Variants in CELF2 observed in about 807,000 individuals in gnomAD.
CELF2 encodes the protein CUG triplet repeat RNA-binding protein 2.
CELF2 carries 8 observed loss-of-function variants against 62.6 expected under a neutral mutation model. The observed-to-expected ratio is 0.13, with a 90% confidence interval of 0.07 to 0.23. The LOEUF is 0.23. Among genes scored for constraint, CELF2 ranks in the 10% least tolerant of loss-of-function variants. CELF2 has a pLI of 1.00. For synonymous variants in CELF2, 258 were observed against 250.0 expected, an observed-to-expected ratio of 1.03 and a Z score of -0.30; for missense variants, 333 against 671.0, an observed-to-expected ratio of 0.50 and a Z score of 5.56.
chr10:10,538,919 T>A, the CELF2 span, among the ~76,000 whole-genome samples: 1 of 152,210 alleles, frequency 6.6e-6, no homozygotes, highest in African/African-American at 2.4e-5. Flanking sequence ...CTTTGTTTAA[T>A]TTTCCCGCAA....
intron 2 of CELF2, among the ~76,000 whole-genome samples, chr10:11,194,007 A>G (rs536496854): frequency 2.9e-4 from 44 of 152,226 alleles, no homozygotes; most frequent in African/African-American, 1.0e-3. Context: ...TGAAACTCTC[A>G]TTTTGGTGCG....
At chr10:10,703,490 T>C in the CELF2 span, among the ~76,000 whole-genome samples, 1 of 152,212 alleles carries the variant, frequency 6.6e-6, no homozygotes, top group East Asian at 1.9e-4. Context: ...CTACGAAGGA[T>C]ACAGAATATG....
rs1554855649 is a variant in CELF2 at position 10,857,649 on chromosome 10, G to GTGTATATA, written c.53+58833_53+58834insGTATATAT. ...ATATGTGGTAAACTACATATATATA[G>GTGTATATA]TATATATATATATATATATATATAT... On this transcript the variant is annotated intron_variant, in intron 1 of 13. Coordinates refer to the CELF2 transcript ENST00000636488. 5.3e-5 allele frequency among the ~76,000 whole-genome samples: 5 copies of GTGTATATA among 94,258 alleles called. No homozygotes were observed. In the East Asian group the frequency reaches 1.4e-3, roughly 27 times the overall value. The allele number at this position is 94,258 out of a possible 152,430, so 61.8% of individuals were successfully genotyped here. A position where few individuals can be genotyped will look rare whatever the true frequency, so the allele number is the denominator to read the frequency against.
chr10:10,570,367 C>G, the CELF2 span, among the ~76,000 whole-genome samples: 1 of 152,134 alleles, frequency 6.6e-6, no homozygotes, highest in African/African-American at 2.4e-5. Context: ...AACCTCAGCT[C>G]AAGATGAACT....
the CELF2 span, among the ~76,000 whole-genome samples, chr10:10,528,322 G>A: frequency 1.3e-5 from 2 of 152,172 alleles, no homozygotes; most frequent in Non-Finnish European, 2.9e-5. Context: ...TGTGGGCTGA[G>A]AAAGGGGATC....
chr10:10,585,691 A>G, the CELF2 span, among the ~76,000 whole-genome samples: 1 of 152,202 alleles, frequency 6.6e-6, no homozygotes, highest in Admixed American at 6.5e-5. Flanking sequence ...GAGTCAATAA[A>G]GAGAAGTCTC....
At chr10:10,490,390 G>A in the CELF2 span, among the ~76,000 whole-genome samples, 1 of 152,090 alleles carries the variant, frequency 6.6e-6, no homozygotes, top group Admixed American at 6.6e-5. Flanking sequence ...CCTTTGTCCA[G>A]GAATGTCTTA....
In CELF2 at chr10:11,138,590, G is replaced by A. The variant is rs531574779; in HGVS notation, c.75-26896G>A. Among the ~76,000 whole-genome samples the A allele has an allele frequency of 2.7e-4, 41 of 152,130 alleles. 1 individual carries two copies. Among genetic ancestry groups the A allele is most frequent in the Admixed American group, 2.3e-3 (35 of 15,264 alleles). On this transcript the variant is annotated intron_variant, in intron 1 of 12. Transcript: ENST00000633077. ...GCAAACTCGCAAAGAATTTATCATC[G>A]AACAGTAAAAAGATGAGCCTGAAAA...
chr10:11,186,112 A>G (rs934316053), intron 2 of CELF2, among the ~76,000 whole-genome samples: 1 of 152,164 alleles, frequency 6.6e-6, no homozygotes, highest in South Asian at 2.1e-4. Context: ...TTATTGTCAT[A>G]AAACTGTGTA....
chr10:11,312,578 C>G (rs1228594936), intron 9 of CELF2, among the ~76,000 whole-genome samples: 1 of 152,046 alleles, frequency 6.6e-6, no homozygotes, highest in South Asian at 2.1e-4. Flanking sequence ...TTTTTATGAC[C>G]ATATATGAAA....
chr10:10,583,307 T>G, the CELF2 span, among the ~76,000 whole-genome samples: 1 of 152,198 alleles, frequency 6.6e-6, no homozygotes, highest in Non-Finnish European at 1.5e-5. Flanking sequence ...TATGTCTATG[T>G]GTCCTCAGGG....
chr10:11,126,527 T>C (rs1000698339), intron 1 of CELF2, among the ~76,000 whole-genome samples: 1 of 152,170 alleles, frequency 6.6e-6, no homozygotes, highest in African/African-American at 2.4e-5. Context: ...GATTATATTT[T>C]CAATAATTCC....
the CELF2 span, among the ~76,000 whole-genome samples, chr10:10,640,158 T>C: frequency 1.3e-5 from 2 of 152,236 alleles, no homozygotes; most frequent in African/African-American, 2.4e-5. Flanking sequence ...ATTATGTATA[T>C]ATCTGTCTCA....
chr10:10,731,237 G>A, the CELF2 span, among the ~76,000 whole-genome samples: 5 of 147,690 alleles, frequency 3.4e-5, no homozygotes, highest in African/African-American at 1.3e-4. Context: ...CAAAGATCCT[G>A]CAGAAAACAC....
chr10:11,234,735 A>C (rs1217220493), intron 3 of CELF2, among the ~76,000 whole-genome samples: 4 of 151,086 alleles, frequency 2.6e-5, no homozygotes, highest in Non-Finnish European at 5.9e-5. Context: ...GGTGGGGGTG[A>C]GAGGAGGCAG....
chr10:11,121,028 A>G lies in CELF2; in HGVS notation c.75-44458A>G, dbSNP rs556412906. The stretch of plus-strand genomic sequence containing the variant: ...AATGAGCTCAGTGTCTACAGTTTCC[A>G]TTATTTAGACCCCAAGGCATGTTCC... On this transcript the variant is annotated intron_variant, in intron 1 of 12. Coordinates refer to ENST00000633077, the MANE Select transcript of CELF2 (RefSeq NM_001326342.2). Among the ~76,000 whole-genome samples, 8 of 152,274 alleles carry G rather than the reference A, an allele frequency of 5.3e-5. No individual in the cohort carries two copies. In the South Asian group the frequency reaches 1.7e-3, roughly 32 times the overall value.
At position 11,294,726 on chromosome 10, in the gene CELF2, G is replaced by A. The variant is rs189831072; in HGVS notation, c.976+6174G>A. ...AGGAGTTCAAGACCAGCCTGGGCAA[G>A]ATGGTGAAACCCAGTCTCGACTAAA... On this transcript the variant is annotated intron_variant, in intron 9 of 12. Coordinates refer to ENST00000633077, the MANE Select transcript of CELF2 (RefSeq NM_001326342.2). 2.5e-3 allele frequency among the ~76,000 whole-genome samples: 378 copies of A among 152,044 alleles called. 3 individuals carry two copies. The highest frequency in any genetic ancestry group is 8.0e-3 in the African/African-American group (333 of 41,468).
At chr10:11,257,700 G>T in intron 4 of CELF2, 38 bp from the exon 5 acceptor site, 2 of 1,604,986 alleles carry the variant, frequency 1.2e-6, no homozygotes, top group East Asian at 2.2e-5. Flanking sequence ...AAAAAAAGAT[G>T]AAATGGCCTT....
intron 1 of CELF2, among the ~76,000 whole-genome samples, chr10:11,038,262 A>T (rs1386452777): frequency 6.6e-6 from 1 of 152,110 alleles, no homozygotes; most frequent in African/African-American, 2.4e-5. Context: ...CTTTTTTTCC[A>T]TCTGTAGCCT....
Sources: allele counts gnomAD v4.1 joint callset (sites outside exome capture counted in the v4.1 genomes callset), GRCh38; gene constraint gnomAD v4.1.1; transcripts MANE v1.5; gene names NCBI Gene and HGNC (gene_info 2026-07-23, HGNC 2026-07-21).